Variants in ECD observed in about 807,000 individuals in gnomAD.
The protein encoded by ECD is ecdysoneless cell cycle regulator.
ECD carries 59 observed loss-of-function variants against 77.2 expected under a neutral mutation model. That is an observed-to-expected ratio of 0.76 (90% CI 0.62 to 0.95). The LOEUF is 0.95. Among genes scored for constraint, ECD ranks in the 40% least tolerant of loss-of-function variants. The pLI is 0.00. For synonymous variants in ECD, 233 were observed against 267.4 expected, an observed-to-expected ratio of 0.87 and a Z score of 1.26; for missense variants, 704 against 763.4, an observed-to-expected ratio of 0.92 and a Z score of 0.92.
In ECD at chr10:73,153,725, C is replaced by CAA. The variant is rs201711578; in HGVS notation, c.783+529_783+530dup. ...TGGGTGAGAGAGTGAGACTCTGTCT[C>CAA]AAAAAAAAAAAAAAAAAAAAAAAAG... On this transcript the variant is annotated intron_variant, in intron 6 of 13. Transcript: ENST00000372979. Among the ~76,000 whole-genome samples, 157 of 41,000 alleles carry CAA rather than the reference C, an allele frequency of 3.8e-3. 2 individuals are homozygous for CAA. The highest frequency in any genetic ancestry group is 0.018 in the Middle Eastern group (1 of 56). The allele number at this position is 41,000 out of a possible 152,430, so 26.9% of individuals were successfully genotyped here.
Position 73,156,368 on chromosome 10 carries a change from G to A in ECD, c.497C>T (p.Thr166Ile). The A allele has an allele frequency of 6.2e-7, 1 of 1,613,850 alleles. No individual in the cohort carries two copies. The highest frequency in any genetic ancestry group is 1.1e-5 in the South Asian group (1 of 90,966). ...GATTATATTCAATGCTTGTGGAATT[G>A]TTGGGGGTGTGGTGGGTAACCAAGA... ...AESWLPTTPP[T>I]IPQALNIITA... Residue 166 changes from threonine to isoleucine, a missense_variant, in exon 5 of 14, where the codon ACA becomes ATA. Thr to Ile is a moderately conservative substitution (Grantham distance 89). Transcript: ENST00000372979.
intron 1 of ECD, among the ~76,000 whole-genome samples, chr10:73,164,921 G>T (rs1843431904): frequency 1.3e-5 from 2 of 152,080 alleles, no homozygotes; most frequent in South Asian, 4.1e-4. Flanking sequence ...TCCTATTTTG[G>T]AAGTGAAGAA....
At chr10:73,142,189 A>T (rs2133251957) in intron 9 of ECD, among the ~76,000 whole-genome samples, 1 of 152,046 alleles carries the variant, frequency 6.6e-6, no homozygotes, top group African/African-American at 2.4e-5. Flanking sequence ...TTGTATTTGT[A>T]GTAGAGATGG....
chr10:73,161,720 C>T (rs1364921253), intron 2 of ECD, among the ~76,000 whole-genome samples: 1 of 152,196 alleles, frequency 6.6e-6, no homozygotes, highest in Non-Finnish European at 1.5e-5. Flanking sequence ...CAAAGCCAGA[C>T]AAAGACAATA....
chr10:73,158,039 C>T (rs1843323159), intron 3 of ECD, among the ~76,000 whole-genome samples: 1 of 151,998 alleles, frequency 6.6e-6, no homozygotes, highest in African/African-American at 2.4e-5. Flanking sequence ...ACACTCACTG[C>T]AACCTCTACC....
intron 3 of ECD, 151 bp downstream of exon 3, chr10:73,160,283 C>CA (rs11338418): frequency 0.066 from 19,318 of 292,916 alleles, 1 homozygote; most frequent in Middle Eastern, 0.089. Context: ...AAGACTGTCT[C>CA]AAAAAAAAAA....
chr10:73,154,583 G>A (rs1360479468), intron 5 of ECD, 135 bp from the exon 6 acceptor site: 3 of 795,458 alleles, frequency 3.8e-6, no homozygotes, highest in African/African-American at 1.7e-5. Context: ...GATGAAAAAA[G>A]ATACTGTATA....
At chr10:73,160,940 C>A (rs1433569785) in intron 2 of ECD, among the ~76,000 whole-genome samples, 4 of 152,094 alleles carry the variant, frequency 2.6e-5, no homozygotes, top group Non-Finnish European at 4.4e-5. Flanking sequence ...TACCAGGACG[C>A]TAGATTTGGA....
In ECD at chr10:73,162,447, G is replaced by C. The variant is rs138316621; in HGVS notation, c.205+1286C>G. On this transcript the variant is annotated intron_variant, in intron 2 of 13. Coordinates refer to ENST00000372979, the MANE Select transcript of ECD (RefSeq NM_007265.3). ...AGAAAACAGTAAAAATGGTTTTCTA[G>C]AGGATGGATAAAGGGTTGGTTTTAG... Among the ~76,000 whole-genome samples, 554 of 152,330 alleles carry C rather than the reference G, an allele frequency of 3.6e-3. 12 individuals carry two copies. The highest frequency in any genetic ancestry group is 9.1e-4 in the Non-Finnish European group (62 of 68,032).
At position 73,134,597 on chromosome 10, in the gene ECD, G is replaced by A. The variant is rs928987211; in HGVS notation, c.1921C>T (p.Pro641Ser). 45 of 1,612,976 alleles carry A rather than the reference G, an allele frequency of 2.8e-5. No individual in the cohort carries two copies. The highest frequency in any genetic ancestry group is 3.7e-5 in the Non-Finnish European group (44 of 1,179,334). Reference protein sequence around the residue: ...DNTDHRPTSKPTKN With the variant: ...DNTDHRPTSKSTKN The stretch of plus-strand genomic sequence containing the variant: ...AAATGTGCTGGTTAATTTTTTGTTG[G>A]CTTACTTGTTGGTCTGTGATCGGTG... Residue 641 changes from proline (P) to serine (S), a missense_variant, in exon 14 of 14, where the codon CCA becomes TCA. Pro to Ser is a moderately conservative substitution (Grantham distance 74). Coordinates refer to ENST00000372979, the MANE Select transcript of ECD (RefSeq NM_007265.3).
chr10:73,141,017 T>C (rs61865812), intron 9 of ECD, among the ~76,000 whole-genome samples: 5,565 of 152,160 alleles, frequency 0.037, 159 homozygotes, highest in Non-Finnish European at 0.058. Context: ...TTAAATGCTA[T>C]GCTAACACTT....
intron 3 of ECD, among the ~76,000 whole-genome samples, chr10:73,157,143 G>C: frequency 6.6e-6 from 1 of 151,426 alleles, no homozygotes; most frequent in Non-Finnish European, 1.5e-5. Flanking sequence ...TCCACCTCTT[G>C]TTTTCAGGCA....
chr10:73,139,335 T>C lies in ECD; in HGVS notation c.1395A>G (p.Ser465=). Residue 465 remains serine (S), a synonymous_variant, in exon 11 of 14, where the codon TCA becomes TCG. Transcript: ENST00000372979. ...ESMKAFISKV[S]THKGAELPRE... ...GAGGCAGCTCTGCTCCCTTGTGGGT[T>C]GAGACTTTGGATATGAAAGCTTTCA... 2 of 1,614,028 alleles carry C rather than the reference T, an allele frequency of 1.2e-6. No individual in the cohort carries two copies. The highest frequency in any genetic ancestry group is 2.7e-5 in the African/African-American group (2 of 75,028).
At chr10:73,162,252 A>C (rs1221570791) in intron 2 of ECD, among the ~76,000 whole-genome samples, 3 of 152,184 alleles carry the variant, frequency 2.0e-5, no homozygotes, top group Non-Finnish European at 4.4e-5. Flanking sequence ...AGATGTAGAG[A>C]TAAAGAGGGT....
At chr10:73,144,696 G>T (rs963203052) in intron 9 of ECD, among the ~76,000 whole-genome samples, 1 of 151,934 alleles carries the variant, frequency 6.6e-6, no homozygotes, top group Admixed American at 6.6e-5. Flanking sequence ...TTACTCTATG[G>T]ACTTGCCCAA....
chr10:73,156,660 T>C lies in ECD; in HGVS notation c.324-5A>G. On this transcript the variant is annotated splice_region_variant and splice_polypyrimidine_tract_variant and intron_variant, in intron 3 of 13. Transcript: ENST00000372979. The stretch of plus-strand genomic sequence containing the variant: ...TCACCATCATTGTCTTCAATCCTAA[T>C]GCAAGAAAATTTCCAATTTTGCATT... 2.5e-6 allele frequency: 4 copies of C among 1,612,590 alleles called. No individual in the cohort carries two copies. Among genetic ancestry groups the C allele is most frequent in the Non-Finnish European group, 3.4e-6 (4 of 1,179,904 alleles).
intron 3 of ECD, 119 bp downstream of exon 3, chr10:73,160,315 A>T: frequency 1.6e-6 from 1 of 634,366 alleles, no homozygotes; most frequent in Non-Finnish European, 2.5e-6. Context: ...AGATACTATT[A>T]AAATCTGTAC....
At chr10:73,140,443 C>G (rs1220429098) in intron 9 of ECD, among the ~76,000 whole-genome samples, 1 of 151,074 alleles carries the variant, frequency 6.6e-6, no homozygotes, top group Non-Finnish European at 1.5e-5. Flanking sequence ...AATCCCAGCA[C>G]TTTGGGAGGC....
chr10:73,161,746 T>G (rs1271428567), intron 2 of ECD, among the ~76,000 whole-genome samples: 1 of 152,204 alleles, frequency 6.6e-6, no homozygotes, highest in Non-Finnish European at 1.5e-5. Flanking sequence ...AAGCTGTAGA[T>G]CAATATCCCT....
Sources: gnomAD v4.1 joint callset for allele counts (sites outside exome capture counted in the v4.1 genomes callset) on GRCh38, gnomAD v4.1.1 for gene constraint, MANE v1.5 for transcripts, NCBI Gene and HGNC (gene_info 2026-07-23, HGNC 2026-07-21) for gene names.